Variants in ATG12 observed in about 807,000 individuals in gnomAD.
The protein encoded by ATG12 is ubiquitin-like protein ATG12.
Under a neutral mutation model 17.6 loss-of-function variants are expected in ATG12, and 19 were observed. The ratio of observed to expected loss-of-function variants is 1.08; its 90% CI spans 0.75 to 1.58. The LOEUF is 1.58. Among genes scored for constraint, ATG12 ranks in the 40% most tolerant of loss-of-function variants. The pLI is 0.00. For missense variants in ATG12, 214 were observed against 162.0 expected, an observed-to-expected ratio of 1.32 and a Z score of -1.74; for synonymous variants, 75 against 62.4, an observed-to-expected ratio of 1.20 and a Z score of -0.95.
At chr5:115,834,675 C>T (rs1351492534) in intron 2 of ATG12, among the ~76,000 whole-genome samples, 2 of 152,082 alleles carry the variant, frequency 1.3e-5, no homozygotes, top group African/African-American at 2.4e-5. Context: ...AGTCTGTGCC[C>T]CGATTAAGTC....
intron 2 of ATG12, chr5:115,835,173 T>G (rs1761041041): frequency 6.6e-6 from 1 of 152,184 alleles, no homozygotes; most frequent in Admixed American, 6.5e-5. Context: ...TATACCATCT[T>G]ATTGTTTTTA....
chr5:115,837,213 G>A (rs1159427217), intron 2 of ATG12, among the ~76,000 whole-genome samples: 3 of 152,132 alleles, frequency 2.0e-5, no homozygotes. Flanking sequence ...GAATTCCCCA[G>A]AGAATCCTTT....
intron 1 of ATG12, 33 bp downstream of exon 1, chr5:115,841,357 C>G: frequency 6.2e-7 from 1 of 1,609,496 alleles, no homozygotes; most frequent in Admixed American, 1.7e-5. Context: ...ATCTGAACCT[C>G]CCGCCTCTCT....
chr5:115,836,244 T>C lies in ATG12; in HGVS notation c.300+1384A>G, dbSNP rs1312570052. ...TTTATATGGTTCAACCTACTATGTA[T>C]TGGTATCAATCAAGTCCTTTCAGGT... is the stretch of plus-strand genomic sequence containing the variant. On this transcript the variant is annotated intron_variant, in intron 2 of 3. Transcript: ENST00000509910. Among the ~76,000 whole-genome samples, 6 of 152,218 alleles carry C rather than the reference T, an allele frequency of 3.9e-5. No homozygotes were observed. The East Asian group carries it at 9.6e-4, about 24-fold the overall frequency.
chr5:115,831,927 G>A (rs2112717358), intron 3 of ATG12, 64 bp from the exon 4 acceptor site: 3 of 1,422,834 alleles, frequency 2.1e-6, no homozygotes, highest in Non-Finnish European at 2.9e-6. Flanking sequence ...AAACTAAGAA[G>A]ATAAATGCCA....
chr5:115,840,296 CTTT>C (rs544937852), intron 1 of ATG12, among the ~76,000 whole-genome samples: 14 of 134,998 alleles, frequency 1.0e-4, no homozygotes, highest in South Asian at 2.4e-4. Context: ...AGACCAATGT[CTTT>C]TTTTTTTTTT....
intron 3 of ATG12, 104 bp from the exon 4 acceptor site, chr5:115,831,967 T>G: frequency 9.6e-7 from 1 of 1,037,796 alleles, no homozygotes; most frequent in Non-Finnish European, 1.4e-6. Context: ...CACACGTATA[T>G]TAAGTTACCT....
intron 2 of ATG12, chr5:115,832,934 A>C (rs1229973386): frequency 3.5e-6 from 1 of 286,570 alleles, no homozygotes; most frequent in African/African-American, 2.2e-5. Flanking sequence ...TTTTTTACAA[A>C]TAGCTTTTGA....
intron 2 of ATG12, among the ~76,000 whole-genome samples, chr5:115,835,996 C>T (rs2112724827): frequency 6.6e-6 from 1 of 152,236 alleles, no homozygotes; most frequent in South Asian, 2.1e-4. Context: ...TCTGATTCCA[C>T]CATCTTCCCA....
At position 115,829,639 on chromosome 5, in the gene ATG12, G is replaced by GT. The variant is rs1760782813; in HGVS notation, c.*2164dup. 1.3e-5 allele frequency: 2 copies of GT among 152,166 alleles called. No individual in the cohort carries two copies. The highest frequency in any genetic ancestry group is 1.3e-4 in the Admixed American group (2 of 15,284). 9.4% of individuals were successfully genotyped at this position (152,166 alleles called of 1,614,324 possible). The stretch of plus-strand genomic sequence containing the variant: ...ATTTAAAATATCACCTGAATGTTCA[G>GT]TTTTTCCCCCAAGTTTAATCAGACT... On this transcript the variant is annotated 3_prime_UTR_variant, in exon 4 of 4. Coordinates refer to ENST00000509910, the MANE Select transcript of ATG12 (RefSeq NM_004707.4).
Position 115,829,036 on chromosome 5 carries a change from A to C in ATG12, c.*2768T>G, listed in dbSNP as rs1377630662. The C allele has an allele frequency of 6.6e-6, 1 of 152,220 alleles. No homozygotes were observed. The highest frequency in any genetic ancestry group is 1.9e-4 in the East Asian group (1 of 5,200). 9.4% of individuals were successfully genotyped at this position (152,220 alleles called of 1,614,324 possible). Reference sequence around the variant, plus strand: ...ATAACAGAAAACACAAGGCATCTTCAAAGAATGGTGAATAATCCAGTTTGG... The same window carrying C: ...ATAACAGAAAACACAAGGCATCTTCCAAGAATGGTGAATAATCCAGTTTGG... On this transcript the variant is annotated 3_prime_UTR_variant, in exon 4 of 4. Transcript: ENST00000509910.
rs373112526 is a variant in ATG12 at position 115,831,758 on chromosome 5, C to T, written c.*46G>A. 3,114 of 1,583,648 alleles carry T rather than the reference C, an allele frequency of 2.0e-3. 77 individuals are homozygous for T. The South Asian group carries it at 0.033, about 17-fold the overall frequency. On this transcript the variant is annotated 3_prime_UTR_variant, in exon 4 of 4. Transcript: ENST00000509910. ...CAAAACTTTTCAGAGCTGTCTCTTC[C>T]GTGAAAATCCATTTCATGTAGTAGC...
At chr5:115,841,230 C>T (rs898882501) in intron 1 of ATG12, 160 bp downstream of exon 1, 5 of 898,706 alleles carry the variant, frequency 5.6e-6, no homozygotes, top group East Asian at 5.3e-5. Context: ...AACTTAAAGG[C>T]CTTAAAAATC....
intron 2 of ATG12, among the ~76,000 whole-genome samples, chr5:115,837,062 G>A (rs1260248012): frequency 6.6e-6 from 1 of 152,174 alleles, no homozygotes; most frequent in Non-Finnish European, 1.5e-5. Context: ...TACAGATATT[G>A]CAATGCTCTA....
At chr5:115,833,709 T>C (rs1256160216) in intron 2 of ATG12, 5 of 152,218 alleles carry the variant, frequency 3.3e-5, no homozygotes, top group African/African-American at 4.8e-5. Context: ...GAAATATCAA[T>C]TTGTGGTTAT....
chr5:115,832,467 G>A (rs746983398), intron 3 of ATG12, 135 bp downstream of exon 3: 2 of 1,042,500 alleles, frequency 1.9e-6, no homozygotes, highest in Non-Finnish European at 2.5e-6. Flanking sequence ...ATTAAGAATG[G>A]CATGCCATCT....
chr5:115,831,948 A>C, intron 3 of ATG12, 85 bp from the exon 4 acceptor site: 1 of 1,271,112 alleles, frequency 7.9e-7, no homozygotes, highest in Non-Finnish European at 1.1e-6. Context: ...CATGTATCAT[A>C]AATATCCACA....
intron 3 of ATG12, among the ~76,000 whole-genome samples, chr5:115,832,281 T>C (rs1760902726): frequency 6.6e-6 from 1 of 152,106 alleles, no homozygotes; most frequent in Non-Finnish European, 1.5e-5. Context: ...ATAAGAACAA[T>C]GTAGAAGAAA....
intron 3 of ATG12, 71 bp from the exon 4 acceptor site, chr5:115,831,934 G>T: frequency 7.2e-7 from 1 of 1,397,168 alleles, no homozygotes. Context: ...GAAGATAAAT[G>T]CCACATGTAT....
Sources: gnomAD v4.1 joint callset for allele counts (sites outside exome capture counted in the v4.1 genomes callset) on GRCh38, gnomAD v4.1.1 for gene constraint, MANE v1.5 for transcripts, NCBI Gene and HGNC (gene_info 2026-07-23, HGNC 2026-07-21) for gene names.